Variants in SRPK2 observed in about 807,000 individuals in gnomAD.
SRPK2 encodes the protein SRSF protein kinase 2.
Under a neutral mutation model 90.8 loss-of-function variants are expected in SRPK2, and 21 were observed. The observed-to-expected ratio is 0.23, with a 90% CI of 0.16 to 0.33. The LOEUF (loss-of-function observed/expected upper bound fraction) is 0.33, where lower values mean the gene tolerates loss of function less well. SRPK2 is among the 10% of genes least tolerant of loss of function. The pLI, the probability that SRPK2 is intolerant of heterozygous loss-of-function variation, is 1.00. For synonymous variants in SRPK2, 288 were observed against 311.1 expected, an observed-to-expected ratio of 0.93 and a Z score of 0.78; for missense variants, 620 against 869.0, an observed-to-expected ratio of 0.71 and a Z score of 3.60.
intron 2 of SRPK2, among the ~76,000 whole-genome samples, chr7:105,362,073 T>C (rs200551923): frequency 9.9e-5 from 15 of 152,030 alleles, no homozygotes; most frequent in Non-Finnish European, 2.1e-4. Flanking sequence ...ACAATCTACC[T>C]ATCTGACAAA....
intron 15 of SRPK2, among the ~76,000 whole-genome samples, chr7:105,120,160 T>C (rs189538036): frequency 1.3e-5 from 2 of 152,334 alleles, no homozygotes; most frequent in Admixed American, 6.5e-5. Flanking sequence ...AAAGCTCACA[T>C]GTGACTAAAC....
chr7:105,175,402 A>G (rs1284439349), intron 3 of SRPK2, among the ~76,000 whole-genome samples: 1 of 152,184 alleles, frequency 6.6e-6, no homozygotes, highest in African/African-American at 2.4e-5. Context: ...AATTTATAGC[A>G]CTAAATGCCT....
chr7:105,320,084 C>A (rs1160043069), intron 2 of SRPK2, among the ~76,000 whole-genome samples: 3 of 152,254 alleles, frequency 2.0e-5, no homozygotes, highest in South Asian at 4.1e-4. Context: ...AATCTTCACA[C>A]AGTTACATTT....
chr7:105,255,655 G>A (rs1239990613), intron 2 of SRPK2, among the ~76,000 whole-genome samples: 1 of 152,332 alleles, frequency 6.6e-6, no homozygotes, highest in South Asian at 2.1e-4. Flanking sequence ...ATCTAGGCCA[G>A]GCACAGTGAC....
chr7:105,188,688 C>T (rs1419199656), intron 3 of SRPK2, among the ~76,000 whole-genome samples: 3 of 152,108 alleles, frequency 2.0e-5, no homozygotes, highest in Non-Finnish European at 4.4e-5. Context: ...GAATCCAGAA[C>T]ATCAATGTTA....
chr7:105,254,297 G>A (rs1188423399), intron 2 of SRPK2, among the ~76,000 whole-genome samples: 2 of 152,174 alleles, frequency 1.3e-5, no homozygotes, highest in East Asian at 1.9e-4. Flanking sequence ...TCATCTATAC[G>A]ACATTCAGAA....
At chr7:105,281,199 T>C (rs1807285017) in intron 2 of SRPK2, among the ~76,000 whole-genome samples, 2 of 151,510 alleles carry the variant, frequency 1.3e-5, no homozygotes, top group African/African-American at 4.8e-5. Context: ...CAGGTTCAAG[T>C]GATTCTCCTG....
intron 2 of SRPK2, among the ~76,000 whole-genome samples, chr7:105,226,008 T>G (rs532858044): frequency 1.3e-5 from 2 of 152,346 alleles, no homozygotes; most frequent in African/African-American, 4.8e-5. Flanking sequence ...ACAATGCTGC[T>G]TAGAGTTTAA....
At chr7:105,272,903 T>C (rs1806004371) in intron 2 of SRPK2, among the ~76,000 whole-genome samples, 1 of 152,028 alleles carries the variant, frequency 6.6e-6, no homozygotes, top group South Asian at 2.1e-4. Flanking sequence ...CCAGGCTAGT[T>C]CCCCCAATCT....
At chr7:105,388,968 G>T (rs1017009602), upstream of SRPK2, 62 of 1,098,454 alleles carry the variant, frequency 5.6e-5, no homozygotes, top group Non-Finnish European at 6.5e-5. Context: ...AGCAAGACCC[G>T]CCCCCGTCCG....
chr7:105,282,604 C>T (rs1399625546), intron 2 of SRPK2, among the ~76,000 whole-genome samples: 2 of 152,178 alleles, frequency 1.3e-5, no homozygotes, highest in Non-Finnish European at 2.9e-5. Context: ...GCCTGCCCAA[C>T]ATGGCAAAAC....
At chr7:105,185,354 T>C (rs1335864463) in intron 3 of SRPK2, among the ~76,000 whole-genome samples, 1 of 151,906 alleles carries the variant, frequency 6.6e-6, no homozygotes, top group Non-Finnish European at 1.5e-5. Flanking sequence ...TCTCTGGCTG[T>C]TTAAAACTAA....
chr7:105,369,271 C>A (rs998271566), intron 2 of SRPK2, among the ~76,000 whole-genome samples: 10 of 151,870 alleles, frequency 6.6e-5, no homozygotes, highest in African/African-American at 2.4e-4. Context: ...CTCAGCCTCC[C>A]GAGTAGCTGA....
intron 3 of SRPK2, among the ~76,000 whole-genome samples, chr7:105,190,090 C>A (rs2129604150): frequency 6.6e-6 from 1 of 152,254 alleles, no homozygotes. Context: ...AGGAGCAGGC[C>A]AGGAGCAGGA....
intron 2 of SRPK2, among the ~76,000 whole-genome samples, chr7:105,359,025 A>G (rs1489774061): frequency 3.3e-5 from 5 of 151,628 alleles, no homozygotes; most frequent in Non-Finnish European, 5.9e-5. Context: ...CAAGAATGAC[A>G]CCTCAAGCCA....
chr7:105,301,100 A>G (rs993168067), intron 2 of SRPK2, among the ~76,000 whole-genome samples: 4 of 152,180 alleles, frequency 2.6e-5, no homozygotes, highest in African/African-American at 9.7e-5. Context: ...CACAATAGCA[A>G]AGACTGGGAA....
At chr7:105,156,497 TTTTG>T (rs1261654837) in intron 7 of SRPK2, among the ~76,000 whole-genome samples, 4 of 152,040 alleles carry the variant, frequency 2.6e-5, no homozygotes, top group Non-Finnish European at 5.9e-5. Context: ...AAGGTATCAT[TTTTG>T]TTTGTTTTTT....
At chr7:105,284,973 C>T (rs1206512718) in intron 2 of SRPK2, among the ~76,000 whole-genome samples, 2 of 152,266 alleles carry the variant, frequency 1.3e-5, no homozygotes, top group Middle Eastern at 3.4e-3. Flanking sequence ...ACAGCAAGGA[C>T]ATACAAGAGT....
intron 2 of SRPK2, among the ~76,000 whole-genome samples, chr7:105,277,949 G>A (rs1041630325): frequency 1.4e-4 from 21 of 152,204 alleles, no homozygotes; most frequent in African/African-American, 4.8e-4. Context: ...TGAGGATAGA[G>A]GAGCAGGTTA....
Sources: gnomAD v4.1 joint callset for allele counts (sites outside exome capture counted in the v4.1 genomes callset) on GRCh38, gnomAD v4.1.1 for gene constraint, MANE v1.5 for transcripts, NCBI Gene and HGNC (gene_info 2026-07-23, HGNC 2026-07-21) for gene names.